The following EPM2A variants were observed in gnomAD, a reference collection of about 807,000 sequenced individuals.
EPM2A encodes laforin.
A neutral mutation model predicts 26.5 loss-of-function variants in EPM2A; 21 were observed. The observed-to-expected ratio is 0.79, with a 90% CI of 0.56 to 1.14. The LOEUF (loss-of-function observed/expected upper bound fraction) is 1.14. Ranked by LOEUF, EPM2A falls within the 50% of genes most tolerant of loss-of-function variation. EPM2A has a pLI of 0.00. For missense variants in EPM2A, 458 were observed against 440.8 expected, an observed-to-expected ratio of 1.04 and a Z score of -0.35; for synonymous variants, 217 against 177.6, an observed-to-expected ratio of 1.22 and a Z score of -1.76.
At chr6:145,503,176 G>C (rs1281540904) in intron 2 of EPM2A, among the ~76,000 whole-genome samples, 1 of 152,114 alleles carries the variant, frequency 6.6e-6, no homozygotes, top group East Asian at 1.9e-4. Flanking sequence ...TAATGTAAGA[G>C]GGCTCTTTTC....
chr6:145,462,248 A>G lies in EPM2A; in HGVS notation c.555+40274T>C, dbSNP rs998001452. Among the ~76,000 whole-genome samples the G allele has an allele frequency of 2.0e-5, 3 of 152,316 alleles. No individual in the cohort carries two copies. In the East Asian group the frequency reaches 5.8e-4, roughly 29 times the overall value. ...AGTGTCAGATAGAAGAAAGGAGACT[A>G]TATTAAGCAGGGTATGGTACTTAAA... On this transcript the variant is annotated intron_variant, in intron 4 of 4. Coordinates refer to the EPM2A transcript ENST00000638717.
At chr6:145,669,615 T>C (rs1779500885) in intron 2 of EPM2A, among the ~76,000 whole-genome samples, 1 of 152,186 alleles carries the variant, frequency 6.6e-6, no homozygotes, top group African/African-American at 2.4e-5. Flanking sequence ...AAACATCATA[T>C]AAAATTTCCA....
rs182286839 is a variant in EPM2A, at chr6:145,536,950, A to G, written c.341-34375T>C. ...TGTGCCCTGATTGTAGGTTGTTGGCATGGGAAAGCTGTAGGTGGGCTCATG... is the reference window on the plus strand; with the variant it reads ...TGTGCCCTGATTGTAGGTTGTTGGCGTGGGAAAGCTGTAGGTGGGCTCATG... On this transcript the variant is annotated intron_variant, in intron 2 of 3. Coordinates refer to the EPM2A transcript ENST00000450221. Among the ~76,000 whole-genome samples, 265 of 152,266 alleles carry G rather than the reference A, an allele frequency of 1.7e-3. 4 individuals are homozygous for G. Among genetic ancestry groups the G allele is most frequent in the African/African-American group, 6.0e-3 (250 of 41,552 alleles).
intron 1 of EPM2A, among the ~76,000 whole-genome samples, chr6:145,730,794 G>A (rs1177837054): frequency 1.3e-5 from 2 of 152,216 alleles, no homozygotes; most frequent in African/African-American, 4.8e-5. Context: ...AGGAACAGAT[G>A]TTACGAGAAA....
intron 2 of EPM2A, among the ~76,000 whole-genome samples, chr6:145,616,517 G>T (rs1582899579): frequency 6.6e-6 from 1 of 152,226 alleles, no homozygotes; most frequent in East Asian, 1.9e-4. Context: ...GCCTAGTGGA[G>T]CTGTGAGAAG....
chr6:145,722,961 C>A (rs1382030561), intron 1 of EPM2A, among the ~76,000 whole-genome samples: 1 of 152,174 alleles, frequency 6.6e-6, no homozygotes, highest in African/African-American at 2.4e-5. Context: ...GGCTTCAGAT[C>A]TGTGGAACCA....
intron 2 of EPM2A, among the ~76,000 whole-genome samples, chr6:145,588,581 T>C (rs963273288): frequency 6.6e-6 from 1 of 152,348 alleles, no homozygotes; most frequent in East Asian, 1.9e-4. Context: ...CTCATTGTTC[T>C]ATGTTGTTTT....
chr6:145,580,166 A>C (rs1401225336), intron 2 of EPM2A, among the ~76,000 whole-genome samples: 1 of 152,156 alleles, frequency 6.6e-6, no homozygotes. Flanking sequence ...CCATACTTCC[A>C]TCTGGTATCA....
intron 2 of EPM2A, among the ~76,000 whole-genome samples, chr6:145,531,328 C>A (rs1234429017): frequency 6.6e-6 from 1 of 152,066 alleles, no homozygotes; most frequent in East Asian, 1.9e-4. Flanking sequence ...CAAGGAAAAG[C>A]CATAATAGAA....
intron 2 of EPM2A, among the ~76,000 whole-genome samples, chr6:145,544,659 T>C (rs952721717): frequency 1.3e-5 from 2 of 152,184 alleles, no homozygotes; most frequent in Admixed American, 6.5e-5. Context: ...CAGCAGAAAC[T>C]GGTATATCTG....
chr6:145,614,818 A>G (rs1466863474), intron 2 of EPM2A, among the ~76,000 whole-genome samples: 1 of 152,242 alleles, frequency 6.6e-6, no homozygotes, highest in Non-Finnish European at 1.5e-5. Context: ...AGTAGATAGA[A>G]TAATAATGAA....
chr6:145,655,836 G>A (rs1778238285), intron 2 of EPM2A, among the ~76,000 whole-genome samples: 1 of 152,180 alleles, frequency 6.6e-6, no homozygotes, highest in Non-Finnish European at 1.5e-5. Flanking sequence ...TTTAAGGTAA[G>A]TTATAAATAC....
chr6:145,478,993 T>A (rs2114731636), intron 4 of EPM2A, among the ~76,000 whole-genome samples: 1 of 151,630 alleles, frequency 6.6e-6, no homozygotes, highest in South Asian at 2.1e-4. Flanking sequence ...ATATATGTTC[T>A]ACTCTGTTCT....
intron 2 of EPM2A, among the ~76,000 whole-genome samples, chr6:145,599,184 TA>T (rs1781385583): frequency 6.6e-6 from 1 of 152,204 alleles, no homozygotes; most frequent in Non-Finnish European, 1.5e-5. Flanking sequence ...ATTGAATCTA[TA>T]AATTGCTTTA....
chr6:145,618,821 C>T lies in EPM2A; in HGVS notation c.340+16424G>A, dbSNP rs76390068. Among the ~76,000 whole-genome samples, 797 of 152,038 alleles carry T rather than the reference C, an allele frequency of 5.2e-3. 4 individuals are homozygous for T. The highest frequency in any genetic ancestry group is 0.018 in the African/African-American group (763 of 41,476). ...ATTTTTTACTTTTTTCTGAGAAAAA[C>T]GAGGAGCCATTGAGGAATATTGAGC... On this transcript the variant is annotated intron_variant, in intron 2 of 3. Transcript: ENST00000450221.
At chr6:145,584,612 C>T (rs1391187086) in intron 2 of EPM2A, among the ~76,000 whole-genome samples, 1 of 152,100 alleles carries the variant, frequency 6.6e-6, no homozygotes, top group Non-Finnish European at 1.5e-5. Context: ...CTCAAGTGTC[C>T]CTGGGGGTCA....
At chr6:145,735,704 G>A (rs1330784373), upstream of EPM2A, 1 of 1,015,604 alleles carries the variant, frequency 9.8e-7, no homozygotes, top group Non-Finnish European at 1.2e-6. Context: ...AGGGGTCAGC[G>A]GAGCCGCTAG....
At chr6:145,601,205 AATAAT>A (rs200183741) in intron 2 of EPM2A, among the ~76,000 whole-genome samples, 1,738 of 152,340 alleles carry the variant, frequency 0.011, 20 homozygotes, top group South Asian at 0.02. Context: ...TTAAACCCTG[AATAAT>A]ATAAGGTATA....
intron 2 of EPM2A, among the ~76,000 whole-genome samples, chr6:145,674,385 A>G (rs1432068093): frequency 6.6e-6 from 1 of 152,196 alleles, no homozygotes; most frequent in Non-Finnish European, 1.5e-5. Context: ...CTGCTCCTCC[A>G]AAGGACTGCA....
Sources: allele counts gnomAD v4.1 joint callset (sites outside exome capture counted in the v4.1 genomes callset), GRCh38; gene constraint gnomAD v4.1.1; transcripts MANE v1.5; gene names NCBI Gene and HGNC (gene_info 2026-07-23, HGNC 2026-07-21).